Variants in DLGAP2 observed in about 807,000 individuals in gnomAD.
DLGAP2 encodes the protein disks large-associated protein 2.
In DLGAP2, 26 loss-of-function variants were observed where a neutral mutation model predicts 100.3. The observed-to-expected ratio is 0.26, with a 90% CI of 0.19 to 0.36. The LOEUF is 0.36. Among genes scored for constraint, DLGAP2 ranks in the 10% least tolerant of loss-of-function variants. The pLI is 1.00. For synonymous variants in DLGAP2, 886 were observed against 630.1 expected (o/e 1.41, Z -6.08); for missense variants, 1,858 against 1,453.2 (o/e 1.28, Z -4.53).
chr8:781,933 T>TG (rs1821699026), intron 1 of DLGAP2, among the ~76,000 whole-genome samples: 1 of 152,064 alleles, frequency 6.6e-6, no homozygotes, highest in African/African-American at 2.4e-5. Context: ...AACTGGGAGC[T>TG]GGGGGGATGG....
At chr8:1,438,447 CTT>C (rs1797716150) in intron 3 of DLGAP2, among the ~76,000 whole-genome samples, 1 of 152,058 alleles carries the variant, frequency 6.6e-6, no homozygotes, top group Non-Finnish European at 1.5e-5. Flanking sequence ...GCTAATTTAA[CTT>C]AACAGTAACA....
At chr8:1,007,856 T>C (rs1004349696) in intron 2 of DLGAP2, among the ~76,000 whole-genome samples, 1 of 152,202 alleles carries the variant, frequency 6.6e-6, no homozygotes, top group Non-Finnish European at 1.5e-5. Flanking sequence ...TATAAACTTC[T>C]CAGTTTTTAT....
rs143358618 is a variant in DLGAP2 at position 1,272,588 on chromosome 8, C to G, written c.106+13705C>G. Among the ~76,000 whole-genome samples the G allele has an allele frequency of 5.9e-5, 9 of 152,150 alleles. No homozygotes were observed. In the East Asian group the frequency reaches 1.5e-3, roughly 26 times the overall value. On this transcript the variant is annotated intron_variant, in intron 3 of 14. Coordinates refer to ENST00000637795, the MANE Select transcript of DLGAP2 (RefSeq NM_001346810.2). ...AACATTTTAAACTTTGTTTTATGAT[C>G]ATGCCAAAGCAATGCAAATGATTTC...
At chr8:898,556 AGG>A (rs2128996945) in intron 1 of DLGAP2, among the ~76,000 whole-genome samples, 1 of 152,252 alleles carries the variant, frequency 6.6e-6, no homozygotes, top group South Asian at 2.1e-4. Context: ...TGTGCAGGGA[AGG>A]GGCCTGGAGA....
In DLGAP2 at chr8:1,549,269, C is replaced by T; in HGVS notation, c.816C>T (p.Ala272=). The T allele has an allele frequency of 6.2e-7, 1 of 1,611,412 alleles. No individual in the cohort carries two copies. The highest frequency in any genetic ancestry group is 8.5e-7 in the Non-Finnish European group (1 of 1,179,454). ...ACGACCACCACCACGCCCACCACGC[C>T]AAGCACAGCAAGAGGAGCAAGAGCA... ...RADDHHHAHH[A]KHSKRSKSKE... The change falls in exon 5 of 15, where the codon GCC becomes GCT. Residue 272 remains alanine (A), a synonymous_variant. Transcript: ENST00000637795.
intron 3 of DLGAP2, among the ~76,000 whole-genome samples, chr8:1,262,744 G>A (rs77978271): frequency 0.029 from 4,396 of 152,250 alleles, 111 homozygotes; most frequent in South Asian, 0.08. Flanking sequence ...ATCCGTGTGC[G>A]ATATAATCTG....
rs150419241 is a variant in DLGAP2 at position 1,037,547 on chromosome 8, T to A, written c.73+129581T>A. On this transcript the variant is annotated intron_variant, in intron 2 of 14. Transcript: ENST00000637795. ...TGGACGTGTCAGCTGCATCATCTGCTGTCCCTCCCGGCATCACCTGCACTT... is the reference window on the plus strand; with the variant it reads ...TGGACGTGTCAGCTGCATCATCTGCAGTCCCTCCCGGCATCACCTGCACTT... Among the ~76,000 whole-genome samples the A allele has an allele frequency of 4.6e-5, 7 of 152,142 alleles. No individual in the cohort carries two copies. The East Asian group carries it at 1.2e-3, about 25-fold the overall frequency.
intron 4 of DLGAP2, among the ~76,000 whole-genome samples, chr8:1,520,020 A>G (rs948139962): frequency 6.6e-6 from 1 of 152,140 alleles, no homozygotes; most frequent in Non-Finnish European, 1.5e-5. Context: ...GGTGTGGGCC[A>G]TCGCTGTTGG....
intron 3 of DLGAP2, among the ~76,000 whole-genome samples, chr8:1,439,268 G>A (rs967669270): frequency 6.6e-6 from 1 of 152,200 alleles, no homozygotes. Context: ...GCCGGGTTCT[G>A]ATGGAAGAGG....
intron 1 of DLGAP2, among the ~76,000 whole-genome samples, chr8:863,997 C>T (rs561805883): frequency 6.6e-6 from 1 of 152,304 alleles, no homozygotes; most frequent in South Asian, 2.1e-4. Context: ...ATATGGTACA[C>T]AGTGGATATG....
chr8:1,023,900 T>TGTGTGTGTGTGTGTGC (rs1428174813), intron 2 of DLGAP2, among the ~76,000 whole-genome samples: 1 of 146,764 alleles, frequency 6.8e-6, no homozygotes. Context: ...TGTGTGTGTG[T>TGTGTGTGTGTGTGTGC]AGTTTGCTTC....
intron 2 of DLGAP2, among the ~76,000 whole-genome samples, chr8:1,067,980 C>G (rs2129036644): frequency 6.6e-6 from 1 of 152,290 alleles, no homozygotes; most frequent in East Asian, 1.9e-4. Flanking sequence ...CTCATGAACC[C>G]TTGGCAAACA....
At chr8:758,701 A>G (rs563825641) in intron 1 of DLGAP2, among the ~76,000 whole-genome samples, 41 of 152,130 alleles carry the variant, frequency 2.7e-4, no homozygotes, top group Non-Finnish European at 4.6e-4. Context: ...AGCTGGTACT[A>G]CAGGTGTGCA....
intron 2 of DLGAP2, among the ~76,000 whole-genome samples, chr8:1,212,996 G>A (rs115534548): frequency 1.9e-3 from 286 of 152,020 alleles, no homozygotes; most frequent in African/African-American, 6.5e-3. Context: ...TGCTCTTACG[G>A]CAGAGATTTT....
chr8:1,596,355 T>G (rs1796459393), intron 6 of DLGAP2, among the ~76,000 whole-genome samples: 1 of 152,212 alleles, frequency 6.6e-6, no homozygotes, highest in African/African-American at 2.4e-5. Flanking sequence ...GTCTTTATAG[T>G]AGAATGATTT....
At chr8:1,478,668 G>A (rs1185569521) in intron 3 of DLGAP2, among the ~76,000 whole-genome samples, 1 of 152,130 alleles carries the variant, frequency 6.6e-6, no homozygotes, top group African/African-American at 2.4e-5. Flanking sequence ...CACCGGAGAT[G>A]CCCAGGGCAA....
intron 2 of DLGAP2, among the ~76,000 whole-genome samples, chr8:966,941 G>T (rs1799886251): frequency 6.6e-6 from 1 of 152,236 alleles, no homozygotes; most frequent in Admixed American, 6.5e-5. Context: ...ACATACATCA[G>T]ATAAATCTAC....
rs924295269 is a variant in DLGAP2, at chr8:1,172,747, G to C, written c.74-86104G>C. Among the ~76,000 whole-genome samples, 6 of 152,044 alleles carry C rather than the reference G, an allele frequency of 3.9e-5. No homozygotes were observed. In the South Asian group the frequency reaches 1.0e-3, roughly 26 times the overall value. On this transcript the variant is annotated intron_variant, in intron 2 of 14. Coordinates refer to ENST00000637795, the MANE Select transcript of DLGAP2 (RefSeq NM_001346810.2). ...CTTTCAGCTCCATCAGCTCCTTTAAGCACTTCTCTGTATTGGTTATTCTAG... is the reference window on the plus strand; with the variant it reads ...CTTTCAGCTCCATCAGCTCCTTTAACCACTTCTCTGTATTGGTTATTCTAG...
chr8:834,923 A>G (rs927181925), intron 1 of DLGAP2, among the ~76,000 whole-genome samples: 4 of 152,196 alleles, frequency 2.6e-5, no homozygotes, highest in African/African-American at 4.8e-5. Context: ...TCATTAACCC[A>G]AGCAAGGCTG....
Sources: allele counts gnomAD v4.1 joint callset (sites outside exome capture counted in the v4.1 genomes callset), GRCh38; gene constraint gnomAD v4.1.1; transcripts MANE v1.5; gene names NCBI Gene and HGNC (gene_info 2026-07-23, HGNC 2026-07-21).